IFT88: variants seen among roughly 807,000 people sequenced by gnomAD.
The protein encoded by IFT88 is intraflagellar transport 88, also known as intraflagellar transport protein 88 homolog.
In IFT88, 74 loss-of-function variants were observed where a neutral mutation model predicts 119.5. The ratio of observed to expected loss-of-function variants is 0.62; its 90% CI spans 0.51 to 0.75. The LOEUF (loss-of-function observed/expected upper bound fraction) is 0.75. Among genes scored for constraint, IFT88 ranks in the 30% least tolerant of loss-of-function variants. The probability of loss-of-function intolerance (pLI) is 0.00; values close to 1 mark genes in which losing one functional copy is unlikely to be tolerated. For synonymous variants in IFT88, 279 were observed against 316.7 expected (o/e 0.88, Z 1.26); for missense variants, 961 against 977.7 (o/e 0.98, Z 0.23).
chr13:20,608,018 A>G (rs1175782730), intron 13 of IFT88: 2 of 569,284 alleles, frequency 3.5e-6, no homozygotes, highest in Non-Finnish European at 6.7e-6. Context: ...ACCAGAGCCC[A>G]CTGGAGAAGC....
intron 13 of IFT88, among the ~76,000 whole-genome samples, chr13:20,613,410 T>C (rs1029633136): frequency 7.1e-6 from 1 of 140,256 alleles, no homozygotes; most frequent in Non-Finnish European, 1.5e-5. Flanking sequence ...CCTACTAGTA[T>C]GCTATAATAA....
intron 18 of IFT88, among the ~76,000 whole-genome samples, chr13:20,643,111 G>T (rs1355882311): frequency 6.6e-6 from 1 of 151,454 alleles, no homozygotes; most frequent in African/African-American, 2.4e-5. Context: ...TCCTTAATAT[G>T]CTGAACATGT....
intron 22 of IFT88, among the ~76,000 whole-genome samples, chr13:20,659,934 G>A (rs1019244944): frequency 5.9e-5 from 9 of 152,110 alleles, no homozygotes; most frequent in Admixed American, 2.0e-4. Context: ...GAGCCACCGC[G>A]CCTGGTCTAC....
chr13:20,688,236 A>T (rs945259296), intron 24 of IFT88, among the ~76,000 whole-genome samples: 4 of 152,152 alleles, frequency 2.6e-5, no homozygotes, highest in African/African-American at 7.2e-5. Context: ...AATCCCAGCT[A>T]CTCGAGAGGC....
Position 20,596,184 on chromosome 13 carries a change from G to T in IFT88, c.433G>T (p.Val145Leu). The T allele has an allele frequency of 6.4e-7, 1 of 1,560,372 alleles. No individual in the cohort carries two copies. Among genetic ancestry groups the T allele is most frequent in the South Asian group, 1.2e-5 (1 of 84,150 alleles). ...EEKIKQLEKE[V>L]NELVEESCIA... ...AAAAATAAAGCAATTAGAGAAGGAA[G>T]TAAATGAGTTGGTAGAAGAAAGCTG... is the stretch of plus-strand genomic sequence containing the variant. The change falls in exon 8 of 26, where the codon GTA becomes TTA. Residue 145 changes from valine to leucine, a missense_variant. By Grantham distance (32) the Val-to-Leu change is conservative. Transcript: ENST00000351808.
chr13:20,626,468 C>A (rs1027343849), intron 15 of IFT88, among the ~76,000 whole-genome samples: 2 of 152,116 alleles, frequency 1.3e-5, no homozygotes, highest in Non-Finnish European at 2.9e-5. Context: ...AAAGTGTTCC[C>A]CAAAGCATAA....
At chr13:20,591,242 T>G (rs1039485524) in intron 5 of IFT88, among the ~76,000 whole-genome samples, 2 of 152,168 alleles carry the variant, frequency 1.3e-5, no homozygotes, top group African/African-American at 4.8e-5. Flanking sequence ...TGAATTCCCA[T>G]TGGGGTGTGG....
chr13:20,591,415 C>G (rs973964510), intron 5 of IFT88, among the ~76,000 whole-genome samples: 1 of 151,878 alleles, frequency 6.6e-6, no homozygotes, highest in Admixed American at 6.6e-5. Context: ...AAACTATAGC[C>G]CAATTACATC....
intron 9 of IFT88, among the ~76,000 whole-genome samples, chr13:20,597,676 G>A (rs1056422001): frequency 7.9e-5 from 12 of 151,312 alleles, no homozygotes; most frequent in Admixed American, 1.3e-4. Context: ...CCCGGGAGGC[G>A]GAGCTTGCGG....
intron 2 of IFT88, among the ~76,000 whole-genome samples, chr13:20,575,860 T>C (rs1384994681): frequency 6.6e-6 from 1 of 152,200 alleles, no homozygotes; most frequent in Admixed American, 6.5e-5. Context: ...TACATACTGA[T>C]TTCTTTTCGT....
chr13:20,613,449 T>C (rs1202003165), intron 13 of IFT88, among the ~76,000 whole-genome samples: 1 of 151,994 alleles, frequency 6.6e-6, no homozygotes, highest in African/African-American at 2.4e-5. Flanking sequence ...TTGGTAAGAG[T>C]GTGGAGAAAT....
intron 13 of IFT88, among the ~76,000 whole-genome samples, chr13:20,613,916 T>C (rs1445217271): frequency 6.6e-6 from 1 of 152,168 alleles, no homozygotes; most frequent in Non-Finnish European, 1.5e-5. Flanking sequence ...TGATTCTGTT[T>C]ATATGAAAGG....
At chr13:20,621,553 A>G (rs1057284499) in intron 14 of IFT88, among the ~76,000 whole-genome samples, 1 of 149,516 alleles carries the variant, frequency 6.7e-6, no homozygotes, top group Non-Finnish European at 1.5e-5. Context: ...AAAAAAAAAA[A>G]AAAAGACTTT....
rs144166809 is a variant in IFT88 at position 20,591,002 on chromosome 13, A to C, written c.246A>C (p.Pro82=). The C allele has an allele frequency of 1.6e-3, 2,542 of 1,610,134 alleles. 7 individuals carry two copies. Among genetic ancestry groups the C allele is most frequent in the Middle Eastern group, 2.5e-3 (15 of 6,048 alleles). ...CTCTGGCATCATCAATAGGAAGACCAATGACAGGGGCTATTCAGGTATCTC... is the reference window on the plus strand; with the variant it reads ...CTCTGGCATCATCAATAGGAAGACCCATGACAGGGGCTATTCAGGTATCTC... ...KTSLASSIGR[P]MTGAIQDGVT... The change falls in exon 5 of 26, where the codon CCA becomes CCC. Residue 82 remains proline (P), a synonymous_variant. Transcript: ENST00000351808.
chr13:20,643,072 ACT>A lies in IFT88; in HGVS notation c.1683-381_1683-380del, dbSNP rs1423620135. Among the ~76,000 whole-genome samples the A allele has an allele frequency of 3.3e-5, 5 of 151,900 alleles. No individual in the cohort carries two copies. In the East Asian group the frequency reaches 9.6e-4, roughly 29 times the overall value. On this transcript the variant is annotated intron_variant, in intron 18 of 25. Transcript: ENST00000351808. ...TGGGTTTATAATCTAATTAGGGAAAACTCACAGGAAAAACACATGGAAATAAT... is the reference window on the plus strand; with the variant it reads ...TGGGTTTATAATCTAATTAGGGAAAACACAGGAAAAACACATGGAAATAAT...
intron 14 of IFT88, among the ~76,000 whole-genome samples, chr13:20,622,834 G>T (rs937898962): frequency 1.3e-5 from 2 of 152,186 alleles, no homozygotes; most frequent in South Asian, 4.1e-4. Flanking sequence ...TTTTCATGAG[G>T]TCCACTTTGT....
At chr13:20,670,852 GGTATGATGGGTTAGTCCTAA>G in intron 23 of IFT88, 101 bp from the exon 24 acceptor site, 1 of 610,014 alleles carries the variant, frequency 1.6e-6, no homozygotes, top group Non-Finnish European at 2.6e-6. Context: ...TCAACTCTCA[GGTATGATGGGTTAGTCCTAA>G]GGGTAATGTA....
At chr13:20,572,405 G>A (rs955893295) in intron 1 of IFT88, among the ~76,000 whole-genome samples, 7 of 152,024 alleles carry the variant, frequency 4.6e-5, no homozygotes, top group Non-Finnish European at 1.0e-4. Context: ...TTTTAGTAGC[G>A]ATGGGGTTTC....
At chr13:20,627,592 G>A (rs1356435225) in intron 15 of IFT88, among the ~76,000 whole-genome samples, 2 of 151,920 alleles carry the variant, frequency 1.3e-5, no homozygotes, top group Non-Finnish European at 2.9e-5. Flanking sequence ...TTAGCCGGGC[G>A]TGGTGGCATG....
Sources: allele counts gnomAD v4.1 joint callset (sites outside exome capture counted in the v4.1 genomes callset), GRCh38; gene constraint gnomAD v4.1.1; transcripts MANE v1.5; gene names NCBI Gene and HGNC (gene_info 2026-07-23, HGNC 2026-07-21).